The following B3GALT1 variants were observed in gnomAD, a reference collection of about 807,000 sequenced individuals.
The protein encoded by B3GALT1 is UDP-Gal:betaGlcNAc beta 1,3-galactosyltransferase, polypeptide 1.
B3GALT1 carries 10 observed loss-of-function variants against 23.2 expected under a neutral mutation model. The observed-to-expected ratio is 0.43, with a 90% confidence interval of 0.27 to 0.73. The LOEUF is 0.73. Among genes scored for constraint, B3GALT1 ranks in the 30% least tolerant of loss-of-function variants. The pLI is 0.21. For synonymous variants in B3GALT1, 156 were observed against 141.5 expected (o/e 1.10, Z -0.73); for missense variants, 299 against 405.4 (o/e 0.74, Z 2.25).
chr2:167,315,376 G>A (rs1385875168), intron 1 of B3GALT1, among the ~76,000 whole-genome samples: 1 of 151,872 alleles, frequency 6.6e-6, no homozygotes, highest in Non-Finnish European at 1.5e-5. Context: ...TTTAGCTTGG[G>A]TTGGACATTT....
rs544534372 is a variant in B3GALT1 at position 167,665,695 on chromosome 2, A to G, written c.-352+18729A>G. Among the ~76,000 whole-genome samples, 8 of 151,906 alleles carry G rather than the reference A, an allele frequency of 5.3e-5. No individual in the cohort carries two copies. In the East Asian group the frequency reaches 7.8e-4, roughly 15 times the overall value. ...CTTCTTCCTGGTTTAGTCTTGGGAG[A>G]GTGTATGTGTCGAGGAATTTATCCA... On this transcript the variant is annotated intron_variant, in intron 3 of 4. Transcript: ENST00000392690.
chr2:167,680,346 A>G (rs16854060), intron 3 of B3GALT1, among the ~76,000 whole-genome samples: 2,517 of 152,268 alleles, frequency 0.017, 81 homozygotes, highest in African/African-American at 0.057. Flanking sequence ...CAAAAAGTCA[A>G]TCTGTCAAAA....
At chr2:167,733,084 AC>A (rs1687433008) in intron 3 of B3GALT1, among the ~76,000 whole-genome samples, 1 of 152,102 alleles carries the variant, frequency 6.6e-6, no homozygotes, top group Admixed American at 6.6e-5. Flanking sequence ...TTTATCTGTG[AC>A]CCCTGTGAGG....
intron 2 of B3GALT1, among the ~76,000 whole-genome samples, chr2:167,536,802 C>A (rs1683436782): frequency 6.6e-6 from 1 of 152,100 alleles, no homozygotes; most frequent in Non-Finnish European, 1.5e-5. Flanking sequence ...AGGGAAAGGA[C>A]CTCCTGCCAG....
At chr2:167,729,052 G>A (rs139393725) in intron 3 of B3GALT1, among the ~76,000 whole-genome samples, 3 of 152,236 alleles carry the variant, frequency 2.0e-5, no homozygotes, top group African/African-American at 4.8e-5. Context: ...ACATATACTT[G>A]TTTGTTATAT....
chr2:167,543,217 G>A lies in B3GALT1; in HGVS notation c.-410+52940G>A, dbSNP rs1259163899. Reference sequence around the variant, plus strand: ...TTTTTTGAAATAAACAGAATAAGGTGAGAAAAGTCTTTTTAATAATTACTC... The same window carrying A: ...TTTTTTGAAATAAACAGAATAAGGTAAGAAAAGTCTTTTTAATAATTACTC... On this transcript the variant is annotated intron_variant, in intron 2 of 4. Coordinates refer to ENST00000392690, the MANE Select transcript of B3GALT1 (RefSeq NM_020981.4). Among the ~76,000 whole-genome samples the A allele has an allele frequency of 3.3e-5, 5 of 152,080 alleles. No individual in the cohort carries two copies. In the East Asian group the frequency reaches 9.6e-4, roughly 29 times the overall value.
chr2:167,381,174 C>T (rs1332946504), intron 1 of B3GALT1, among the ~76,000 whole-genome samples: 1 of 152,072 alleles, frequency 6.6e-6, no homozygotes, highest in African/African-American at 2.4e-5. Context: ...CTCAAGCGAT[C>T]CTCCCACCTC....
At chr2:167,597,394 C>T (rs944054099) in intron 2 of B3GALT1, among the ~76,000 whole-genome samples, 3 of 152,166 alleles carry the variant, frequency 2.0e-5, no homozygotes, top group African/African-American at 4.8e-5. Flanking sequence ...GGATTACAGG[C>T]ATGAGCCACC....
chr2:167,550,464 A>G lies in B3GALT1; in HGVS notation c.-410+60187A>G, dbSNP rs77322817. 8.8e-3 allele frequency among the ~76,000 whole-genome samples: 1,341 copies of G among 152,328 alleles called. 18 individuals are homozygous for G. The highest frequency in any genetic ancestry group is 0.028 in the African/African-American group (1,169 of 41,574). On this transcript the variant is annotated intron_variant, in intron 2 of 4. Coordinates refer to ENST00000392690, the MANE Select transcript of B3GALT1 (RefSeq NM_020981.4). Reference sequence around the variant, plus strand: ...AAAGTATCTCAAACCCCAAGCCCAAATCCATTCTATGATAACAACTGGGAA... The same window carrying G: ...AAAGTATCTCAAACCCCAAGCCCAAGTCCATTCTATGATAACAACTGGGAA...
chr2:167,370,072 T>A (rs1174164328), intron 1 of B3GALT1, among the ~76,000 whole-genome samples: 1 of 152,242 alleles, frequency 6.6e-6, no homozygotes, highest in African/African-American at 2.4e-5. Context: ...TGTAATTAAA[T>A]GCAAAGGAAG....
intron 1 of B3GALT1, among the ~76,000 whole-genome samples, chr2:167,486,811 A>G (rs1699633108): frequency 6.6e-6 from 1 of 152,198 alleles, no homozygotes; most frequent in South Asian, 2.1e-4. Flanking sequence ...GCCAAAAGAA[A>G]GAATAGAAAG....
At chr2:167,723,545 T>C (rs1331913935) in intron 3 of B3GALT1, among the ~76,000 whole-genome samples, 1 of 152,160 alleles carries the variant, frequency 6.6e-6, no homozygotes, top group African/African-American at 2.4e-5. Flanking sequence ...TTTTGTTTTT[T>C]TGAGACAAAG....
intron 2 of B3GALT1, among the ~76,000 whole-genome samples, chr2:167,572,980 T>C (rs1684322293): frequency 6.6e-6 from 1 of 151,800 alleles, no homozygotes; most frequent in South Asian, 2.1e-4. Flanking sequence ...CATTGTTGAA[T>C]TGAAGCTTCT....
chr2:167,807,564 C>T (rs1237913876), intron 3 of B3GALT1, among the ~76,000 whole-genome samples: 13 of 151,206 alleles, frequency 8.6e-5, no homozygotes, highest in East Asian at 3.9e-4. Context: ...GCCTTCATTT[C>T]GTTATGTACC....
At chr2:167,718,242 T>C (rs1687181778) in intron 3 of B3GALT1, among the ~76,000 whole-genome samples, 1 of 151,988 alleles carries the variant, frequency 6.6e-6, no homozygotes, top group South Asian at 2.1e-4. Context: ...TAAATGTGGA[T>C]TAACGGTTAT....
At chr2:167,362,318 A>G (rs1162513113) in intron 1 of B3GALT1, among the ~76,000 whole-genome samples, 1 of 152,176 alleles carries the variant, frequency 6.6e-6, no homozygotes, top group Non-Finnish European at 1.5e-5. Flanking sequence ...AAATATATGT[A>G]TACATTCCCC....
chr2:167,315,703 G>A (rs1163650527), intron 1 of B3GALT1, among the ~76,000 whole-genome samples: 1 of 152,072 alleles, frequency 6.6e-6, no homozygotes, highest in Non-Finnish European at 1.5e-5. Flanking sequence ...TCAGTAAGTC[G>A]AGCAGAATTT....
chr2:167,658,637 G>C (rs1685998488), intron 3 of B3GALT1, among the ~76,000 whole-genome samples: 1 of 151,950 alleles, frequency 6.6e-6, no homozygotes, highest in African/African-American at 2.4e-5. Flanking sequence ...ACTACTGTTT[G>C]TTATACATTT....
At chr2:167,569,901 G>A (rs758182973) in intron 2 of B3GALT1, among the ~76,000 whole-genome samples, 8 of 151,792 alleles carry the variant, frequency 5.3e-5, no homozygotes, top group African/African-American at 9.7e-5. Flanking sequence ...TGATTATATT[G>A]ATGTGTATTA....
Sources: gnomAD v4.1 joint callset for allele counts (sites outside exome capture counted in the v4.1 genomes callset) on GRCh38, gnomAD v4.1.1 for gene constraint, MANE v1.5 for transcripts, NCBI Gene and HGNC (gene_info 2026-07-23, HGNC 2026-07-21) for gene names.